SLC16A10: variants seen among roughly 807,000 people sequenced by gnomAD.
SLC16A10 encodes the protein monocarboxylate transporter 10.
SLC16A10 carries 27 observed loss-of-function variants against 40.0 expected under a neutral mutation model. The ratio of observed to expected loss-of-function variants is 0.67; its 90% confidence interval spans 0.50 to 0.93. The LOEUF is 0.93. Ranked by LOEUF, SLC16A10 falls within the 40% of genes least tolerant of loss-of-function variation. SLC16A10 has a pLI of 0.00. For synonymous variants in SLC16A10, 213 were observed against 249.8 expected (o/e 0.85, Z 1.39); for missense variants, 529 against 658.2 (o/e 0.80, Z 2.15).
chr6:111,129,331 TG>T (rs1311590448), intron 1 of SLC16A10, among the ~76,000 whole-genome samples: 1 of 152,224 alleles, frequency 6.6e-6, no homozygotes, highest in Non-Finnish European at 1.5e-5. Flanking sequence ...ACTATCAAGC[TG>T]GTTGAGTTCA....
At chr6:111,100,332 A>C (rs577052791) in intron 1 of SLC16A10, among the ~76,000 whole-genome samples, 1 of 152,088 alleles carries the variant, frequency 6.6e-6, no homozygotes, top group Non-Finnish European at 1.5e-5. Flanking sequence ...ATTGTAATAC[A>C]TTTGGTTTTA....
intron 1 of SLC16A10, among the ~76,000 whole-genome samples, chr6:111,114,316 T>C (rs547192246): frequency 3.3e-5 from 5 of 152,314 alleles, no homozygotes; most frequent in African/African-American, 1.2e-4. Context: ...AAAGACAAAG[T>C]TGTGAAATGT....
chr6:111,132,265 A>G (rs1220793938), intron 1 of SLC16A10, among the ~76,000 whole-genome samples: 1 of 152,236 alleles, frequency 6.6e-6, no homozygotes, highest in Non-Finnish European at 1.5e-5. Context: ...AAAAAGAAAG[A>G]GAAAGATAGA....
chr6:111,220,435 G>A (rs1270458770), intron 5 of SLC16A10, among the ~76,000 whole-genome samples: 1 of 152,200 alleles, frequency 6.6e-6, no homozygotes, highest in Non-Finnish European at 1.5e-5. Context: ...AGTATTAGAA[G>A]ATTCAGTATA....
chr6:111,155,574 T>C (rs1381582664), intron 1 of SLC16A10, among the ~76,000 whole-genome samples: 1 of 152,196 alleles, frequency 6.6e-6, no homozygotes, highest in African/African-American at 2.4e-5. Flanking sequence ...TCTTTTACTC[T>C]TGTAACTTTC....
intron 3 of SLC16A10, among the ~76,000 whole-genome samples, chr6:111,184,384 A>G (rs1168022895): frequency 2.0e-5 from 3 of 152,202 alleles, no homozygotes; most frequent in African/African-American, 7.2e-5. Flanking sequence ...ACCTGGTAGG[A>G]AGATCCCATT....
At position 111,178,493 on chromosome 6, in the gene SLC16A10, G is replaced by A. The variant is rs553854294; in HGVS notation, c.942+828G>A. ...GCCTGTAATCCCACCACTTTGGGGG[G>A]CTGATGCAGGAGTTCAAGACCAGCG... On this transcript the variant is annotated intron_variant, in intron 3 of 5. Coordinates refer to ENST00000368851, the MANE Select transcript of SLC16A10 (RefSeq NM_018593.5). 21 of 523,090 alleles carry A rather than the reference G, an allele frequency of 4.0e-5. 1 individual carries two copies. Among genetic ancestry groups the A allele is most frequent in the South Asian group, 3.0e-4 (21 of 69,810 alleles). The allele number at this position is 523,090 out of a possible 1,614,324, so 32.4% of individuals were successfully genotyped here.
intron 1 of SLC16A10, among the ~76,000 whole-genome samples, chr6:111,094,534 C>T (rs959211364): frequency 6.6e-6 from 1 of 152,208 alleles, no homozygotes; most frequent in African/African-American, 2.4e-5. Context: ...TCCTTCCTTA[C>T]CTGTTTTGTT....
intron 1 of SLC16A10, among the ~76,000 whole-genome samples, chr6:111,127,105 A>C (rs1056290205): frequency 2.6e-5 from 4 of 152,214 alleles, no homozygotes; most frequent in Admixed American, 2.6e-4. Flanking sequence ...TCTATACGCT[A>C]GTCATTGTGC....
At chr6:111,182,930 G>C (rs1163108382) in intron 3 of SLC16A10, among the ~76,000 whole-genome samples, 1 of 152,032 alleles carries the variant, frequency 6.6e-6, no homozygotes, top group Non-Finnish European at 1.5e-5. Flanking sequence ...CTTAGCCCAG[G>C]CTACCACGTA....
chr6:111,118,295 C>T (rs930585845), intron 1 of SLC16A10, among the ~76,000 whole-genome samples: 9 of 152,076 alleles, frequency 5.9e-5, no homozygotes, highest in Non-Finnish European at 8.8e-5. Flanking sequence ...TGATAAAAGA[C>T]GAAGTATAAC....
intron 1 of SLC16A10, among the ~76,000 whole-genome samples, chr6:111,092,547 C>T (rs1203892159): frequency 6.6e-6 from 1 of 150,408 alleles, no homozygotes; most frequent in Non-Finnish European, 1.5e-5. Context: ...AACTCCTGAC[C>T]TCGTGATCCA....
At position 111,151,789 on chromosome 6, in the gene SLC16A10, C is replaced by A. The variant is rs1047002412; in HGVS notation, c.344-20906C>A. ...GCTATTCCCTTTACATGGAATGTTC[C>A]TGCCTCCTCTTTCCCCCATCCTTTG... is the stretch of plus-strand genomic sequence containing the variant. On this transcript the variant is annotated intron_variant, in intron 1 of 5. Transcript: ENST00000368851. Among the ~76,000 whole-genome samples, 3 of 152,150 alleles carry A rather than the reference C, an allele frequency of 2.0e-5. No homozygotes were observed. In the East Asian group the frequency reaches 5.8e-4, roughly 29 times the overall value.
intron 1 of SLC16A10, among the ~76,000 whole-genome samples, chr6:111,125,386 C>T (rs977169945): frequency 1.3e-5 from 2 of 152,068 alleles, no homozygotes; most frequent in Non-Finnish European, 2.9e-5. Flanking sequence ...TCACTTACCT[C>T]CTCATGAAAT....
chr6:111,118,336 A>C (rs1271071042), intron 1 of SLC16A10, among the ~76,000 whole-genome samples: 1 of 152,208 alleles, frequency 6.6e-6, no homozygotes, highest in African/African-American at 2.4e-5. Flanking sequence ...AAGTTATAGT[A>C]GTTTTAAACC....
chr6:111,104,965 AT>A (rs1771257395), intron 1 of SLC16A10, among the ~76,000 whole-genome samples: 2 of 151,416 alleles, frequency 1.3e-5, no homozygotes, highest in Non-Finnish European at 2.9e-5. Context: ...TCTAATTCAG[AT>A]TTGCGTCTTC....
At chr6:111,195,556 G>A (rs758826885) in intron 3 of SLC16A10, among the ~76,000 whole-genome samples, 1 of 152,242 alleles carries the variant, frequency 6.6e-6, no homozygotes, top group South Asian at 2.1e-4. Flanking sequence ...CTGCTTGGGC[G>A]AAAGTATATC....
At chr6:111,188,662 T>A (rs1404522096) in intron 3 of SLC16A10, among the ~76,000 whole-genome samples, 3 of 152,210 alleles carry the variant, frequency 2.0e-5, no homozygotes, top group African/African-American at 7.2e-5. Flanking sequence ...CTGAGATTCA[T>A]TTGTGCTGAT....
chr6:111,214,471 C>T lies in SLC16A10; in HGVS notation c.1087-4343C>T, dbSNP rs540151074. 8.5e-5 allele frequency among the ~76,000 whole-genome samples: 13 copies of T among 152,246 alleles called. No individual in the cohort carries two copies. In the South Asian group the frequency reaches 2.3e-3, roughly 27 times the overall value. ...TGAACCTGCTATATGTATAGTTTGC[C>T]GAGCGTCGGCATGTGCTCCTTGTGG... is the stretch of plus-strand genomic sequence containing the variant. On this transcript the variant is annotated intron_variant, in intron 4 of 5. Coordinates refer to ENST00000368851, the MANE Select transcript of SLC16A10 (RefSeq NM_018593.5).
Sources: allele counts gnomAD v4.1 joint callset (sites outside exome capture counted in the v4.1 genomes callset), GRCh38; gene constraint gnomAD v4.1.1; transcripts MANE v1.5; gene names NCBI Gene and HGNC (gene_info 2026-07-23, HGNC 2026-07-21).